The following TMEM135 variants were observed in gnomAD, a reference collection of about 807,000 sequenced individuals.
TMEM135 encodes the protein peroxisomal membrane protein 52.
In TMEM135, 30 loss-of-function variants were observed where a neutral mutation model predicts 60.3. The observed-to-expected ratio is 0.50, with a 90% CI of 0.37 to 0.68. The LOEUF is 0.68. Ranked by LOEUF, TMEM135 falls within the 30% of genes least tolerant of loss-of-function variation. The pLI is 0.00. For synonymous variants in TMEM135, 190 were observed against 186.7 expected (o/e 1.02, Z -0.14); for missense variants, 468 against 548.8 (o/e 0.85, Z 1.47).
At chr11:87,176,848 C>T (rs1318237769) in intron 5 of TMEM135, among the ~76,000 whole-genome samples, 1 of 151,934 alleles carries the variant, frequency 6.6e-6, no homozygotes, top group Non-Finnish European at 1.5e-5. Flanking sequence ...AAGGTGGTTT[C>T]AAGAAGAGAA....
intron 2 of TMEM135, 42 bp from the exon 3 acceptor site, chr11:87,071,481 C>G: frequency 6.8e-7 from 1 of 1,479,836 alleles, no homozygotes; most frequent in Non-Finnish European, 9.5e-7. Context: ...CTGAAGTGAC[C>G]AACTAGGAAT....
At chr11:87,132,132 GATAA>G (rs1454002598) in intron 4 of TMEM135, among the ~76,000 whole-genome samples, 6 of 152,034 alleles carry the variant, frequency 3.9e-5, no homozygotes, top group African/African-American at 1.4e-4. Context: ...AATGTAATAA[GATAA>G]ATAAAGTGAA....
At chr11:87,166,260 G>C (rs1056470225) in intron 5 of TMEM135, among the ~76,000 whole-genome samples, 3 of 151,634 alleles carry the variant, frequency 2.0e-5, no homozygotes, top group South Asian at 2.1e-4. Context: ...TAGGTTGCCT[G>C]TTTGCTCTGA....
intron 4 of TMEM135, among the ~76,000 whole-genome samples, chr11:87,106,798 A>G (rs140377635): frequency 6.6e-6 from 1 of 152,276 alleles, no homozygotes; most frequent in African/African-American, 2.4e-5. Context: ...TGGATAATTT[A>G]TGAGGTTTAA....
chr11:87,247,611 G>A (rs1036481592), intron 6 of TMEM135, among the ~76,000 whole-genome samples: 33 of 152,162 alleles, frequency 2.2e-4, no homozygotes, highest in African/African-American at 7.0e-4. Context: ...ATCACAGACT[G>A]CTGTGCTAGC....
chr11:87,074,423 G>C (rs866299199), intron 3 of TMEM135, among the ~76,000 whole-genome samples: 51 of 150,876 alleles, frequency 3.4e-4, no homozygotes, highest in African/African-American at 8.7e-4. Flanking sequence ...CTAATCAATA[G>C]AAAAACTGTG....
intron 3 of TMEM135, among the ~76,000 whole-genome samples, chr11:87,074,419 A>G (rs1363895740): frequency 6.6e-6 from 1 of 151,084 alleles, no homozygotes; most frequent in Non-Finnish European, 1.5e-5. Context: ...CTTCCTAATC[A>G]ATAGAAAAAC....
chr11:87,092,264 T>C (rs1275736725), intron 4 of TMEM135, among the ~76,000 whole-genome samples: 1 of 152,146 alleles, frequency 6.6e-6, no homozygotes, highest in Non-Finnish European at 1.5e-5. Context: ...GAAATAATAA[T>C]GTATGAAAAG....
At chr11:87,100,829 T>C (rs1857441821) in intron 4 of TMEM135, among the ~76,000 whole-genome samples, 1 of 151,960 alleles carries the variant, frequency 6.6e-6, no homozygotes, top group Admixed American at 6.6e-5. Context: ...GTCAGTGCAC[T>C]CCAGCCTTTG....
chr11:87,263,122 A>G (rs760648380), intron 6 of TMEM135, among the ~76,000 whole-genome samples: 2 of 152,228 alleles, frequency 1.3e-5, no homozygotes, highest in Non-Finnish European at 2.9e-5. Context: ...AGTCTTGACA[A>G]GCATGTAACA....
Position 87,226,909 on chromosome 11 carries a change from T to C in TMEM135, c.463-9729T>C, listed in dbSNP as rs145392731. ...GCTAAAAATACAAAAATTAGCTGGG[T>C]GTGGTGGCAAATGCCTATAATCCCA... On this transcript the variant is annotated intron_variant, in intron 5 of 14. Coordinates refer to ENST00000305494, the MANE Select transcript of TMEM135 (RefSeq NM_022918.4). Among the ~76,000 whole-genome samples, 1,381 of 152,020 alleles carry C rather than the reference T, an allele frequency of 9.1e-3. 6 individuals are homozygous for C. The highest frequency in any genetic ancestry group is 0.013 in the Non-Finnish European group (856 of 67,964).
chr11:87,197,383 A>T (rs987664333), intron 5 of TMEM135, among the ~76,000 whole-genome samples: 2 of 152,138 alleles, frequency 1.3e-5, no homozygotes, highest in African/African-American at 4.8e-5. Flanking sequence ...ATGGAAAAAC[A>T]CTAAATTCCT....
chr11:87,091,605 A>G (rs1935793850), intron 4 of TMEM135, among the ~76,000 whole-genome samples: 3 of 152,102 alleles, frequency 2.0e-5, no homozygotes, highest in African/African-American at 7.2e-5. Flanking sequence ...TTTAGAAGGA[A>G]ATCACTGTCT....
intron 5 of TMEM135, among the ~76,000 whole-genome samples, chr11:87,211,997 C>T (rs1940381896): frequency 6.6e-6 from 1 of 151,952 alleles, no homozygotes; most frequent in African/African-American, 2.4e-5. Context: ...GCTTCAAGAT[C>T]TTGGGCATTT....
At chr11:87,173,422 A>G (rs892237747) in intron 5 of TMEM135, among the ~76,000 whole-genome samples, 2 of 152,202 alleles carry the variant, frequency 1.3e-5, no homozygotes, top group African/African-American at 4.8e-5. Context: ...ATTGTAAACT[A>G]AACCAAAATG....
chr11:87,303,550 T>C (rs1942483961), intron 8 of TMEM135, among the ~76,000 whole-genome samples: 1 of 152,230 alleles, frequency 6.6e-6, no homozygotes, highest in Non-Finnish European at 1.5e-5. Flanking sequence ...TTCTTATCTG[T>C]TAACTGGGGT....
chr11:87,256,000 G>T (rs980983369), intron 6 of TMEM135, among the ~76,000 whole-genome samples: 6 of 152,106 alleles, frequency 3.9e-5, no homozygotes, highest in Non-Finnish European at 7.4e-5. Context: ...ACTTTATAAT[G>T]AAATACATTG....
chr11:87,189,080 T>G (rs1416636590), intron 5 of TMEM135, among the ~76,000 whole-genome samples: 2 of 151,952 alleles, frequency 1.3e-5, no homozygotes, highest in Non-Finnish European at 2.9e-5. Flanking sequence ...TTTCCTTTCC[T>G]TTCTTTCCTT....
rs1411362183 is a variant in TMEM135 at position 87,223,640 on chromosome 11, G to C, written c.463-12998G>C. Among the ~76,000 whole-genome samples, 5 of 150,350 alleles carry C rather than the reference G, an allele frequency of 3.3e-5. No homozygotes were observed. In the East Asian group the frequency reaches 5.9e-4, roughly 18 times the overall value. ...AGCCTCGCCAACATGGTGAAACACT[G>C]TCTCTACTAAAAATACGCACATGCA... On this transcript the variant is annotated intron_variant, in intron 5 of 14. Coordinates refer to ENST00000305494, the MANE Select transcript of TMEM135 (RefSeq NM_022918.4).
Sources: gnomAD v4.1 joint callset for allele counts (sites outside exome capture counted in the v4.1 genomes callset) on GRCh38, gnomAD v4.1.1 for gene constraint, MANE v1.5 for transcripts, NCBI Gene and HGNC (gene_info 2026-07-23, HGNC 2026-07-21) for gene names.